BIRC6: variants seen among roughly 807,000 people sequenced by gnomAD.
The protein encoded by BIRC6 is baculoviral IAP repeat containing 6, also known as dual E2 ubiquitin-conjugating enzyme/E3 ubiquitin-protein ligase BIRC6.
BIRC6 carries 98 observed loss-of-function variants against 503.3 expected under a neutral mutation model. The observed-to-expected ratio is 0.19, with a 90% confidence interval of 0.17 to 0.23. The LOEUF is 0.23. BIRC6 is among the 10% of genes least tolerant of loss of function. The probability of loss-of-function intolerance (pLI) is 1.00; values close to 1 mark genes in which losing one functional copy is unlikely to be tolerated. For synonymous variants in BIRC6, 2,240 were observed against 2,078.7 expected (o/e 1.08, Z -2.11); for missense variants, 5,360 against 5,806.0 (o/e 0.92, Z 2.50).
intron 71 of BIRC6, among the ~76,000 whole-genome samples, chr2:32,605,055 G>GT (rs2062349037): frequency 6.6e-6 from 1 of 151,788 alleles, no homozygotes; most frequent in South Asian, 2.1e-4. Context: ...GCTAATTTTT[G>GT]TATTTTTAGT....
At chr2:32,590,274 A>G (rs1248439111) in intron 66 of BIRC6, among the ~76,000 whole-genome samples, 2 of 152,238 alleles carry the variant, frequency 1.3e-5, no homozygotes, top group Non-Finnish European at 2.9e-5. Flanking sequence ...TAGAAGTTTC[A>G]TTCTCTTATA....
In BIRC6 at chr2:32,469,679, G is replaced by A. The variant is rs1482964605; in HGVS notation, c.6347+65G>A. 2.9e-5 allele frequency: 40 copies of A among 1,382,760 alleles called. 1 individual carries two copies. The East Asian group carries it at 8.9e-4, about 31-fold the overall frequency. 85.7% of individuals were successfully genotyped at this position (1,382,760 alleles called of 1,614,324 possible). ...GTGTACTTTTCACAGTTACTGGTTA[G>A]CTTTTGAAATCTTTGAAATGTGGAT... On this transcript the variant is annotated intron_variant, in intron 30 of 73. Coordinates refer to ENST00000421745, the MANE Select transcript of BIRC6 (RefSeq NM_016252.4).
At chr2:32,530,601 C>T (rs1483756416) in intron 60 of BIRC6, among the ~76,000 whole-genome samples, 3 of 89,422 alleles carry the variant, frequency 3.4e-5, no homozygotes, top group South Asian at 4.8e-4. Context: ...CCCCAATCAT[C>T]GAAACATTGT....
At chr2:32,365,149 A>G (rs1319796267) in intron 1 of BIRC6, among the ~76,000 whole-genome samples, 5 of 152,206 alleles carry the variant, frequency 3.3e-5, no homozygotes, top group African/African-American at 9.7e-5. Flanking sequence ...TTAAGAAAGA[A>G]TAGAATATTG....
Position 32,467,895 on chromosome 2 carries a change from C to A in BIRC6, c.5572-8C>A. The stretch of plus-strand genomic sequence containing the variant: ...GTATATATGTATATTTATAATTTTT[C>A]ATTTCAGATCACTGTTATTGGACGT... On this transcript the variant is annotated splice_region_variant and splice_polypyrimidine_tract_variant and intron_variant, in intron 27 of 73. Transcript: ENST00000421745. 1 of 1,602,168 alleles carries A rather than the reference C, an allele frequency of 6.2e-7. No homozygotes were observed. The highest frequency in any genetic ancestry group is 8.5e-7 in the Non-Finnish European group (1 of 1,172,830).
At chr2:32,530,377 A>T (rs1297187740) in intron 60 of BIRC6, among the ~76,000 whole-genome samples, 1 of 151,816 alleles carries the variant, frequency 6.6e-6, no homozygotes, top group Non-Finnish European at 1.5e-5. Context: ...TGCCTGGCTA[A>T]TTTTTGTATT....
chr2:32,592,975 T>C (rs1275893644), intron 66 of BIRC6, among the ~76,000 whole-genome samples: 1 of 152,232 alleles, frequency 6.6e-6, no homozygotes, highest in Non-Finnish European at 1.5e-5. Flanking sequence ...GAGATAGTAT[T>C]TTAATGTAAT....
At chr2:32,466,209 A>G (rs573019696) in intron 26 of BIRC6, among the ~76,000 whole-genome samples, 24 of 152,314 alleles carry the variant, frequency 1.6e-4, no homozygotes, top group African/African-American at 5.3e-4. Context: ...TTCCTTCACT[A>G]TAAAATGTAG....
rs148811505 is a variant in BIRC6, at chr2:32,589,047, A to G, written c.13356-4868A>G. On this transcript the variant is annotated intron_variant, in intron 66 of 73. Coordinates refer to ENST00000421745, the MANE Select transcript of BIRC6 (RefSeq NM_016252.4). ...AGCAGGAACAAAGCCTTTTTTTTAT[A>G]TCTGATCTTTTGTGCAGACTTTTTC... Among the ~76,000 whole-genome samples the G allele has an allele frequency of 3.0e-3, 457 of 152,166 alleles. 3 individuals are homozygous for G. Among genetic ancestry groups the G allele is most frequent in the Non-Finnish European group, 4.1e-3 (282 of 67,952 alleles).
Position 32,549,300 on chromosome 2 carries a change from C to A in BIRC6, c.12976-13C>A. ...GTGAAACTGAAATCCAAATTAATTT[C>A]AACAATTTTTAGGTTCTTGCCAGTT... On this transcript the variant is annotated splice_polypyrimidine_tract_variant and intron_variant, in intron 64 of 73. Coordinates refer to ENST00000421745, the MANE Select transcript of BIRC6 (RefSeq NM_016252.4). 7.0e-7 allele frequency: 1 copy of A among 1,423,308 alleles called. No individual in the cohort carries two copies. Among genetic ancestry groups the A allele is most frequent in the Non-Finnish European group, 9.3e-7 (1 of 1,071,296 alleles). The allele number at this position is 1,423,308 out of a possible 1,614,324, so 88.2% of individuals were successfully genotyped here.
chr2:32,532,993 T>G (rs2056908711), intron 61 of BIRC6, among the ~76,000 whole-genome samples: 1 of 152,058 alleles, frequency 6.6e-6, no homozygotes, highest in African/African-American at 2.4e-5. Flanking sequence ...AAAAAAAATC[T>G]AGATTACCTT....
intron 36 of BIRC6, 71 bp downstream of exon 36, chr2:32,478,889 G>C: frequency 6.7e-7 from 1 of 1,486,900 alleles, no homozygotes. Context: ...AATCTTCAAA[G>C]GGATCTTTAA....
At position 32,382,209 on chromosome 2, in the gene BIRC6, C is replaced by T. The variant is rs540360239; in HGVS notation, c.645+1919C>T. Among the ~76,000 whole-genome samples, 51 of 152,272 alleles carry T rather than the reference C, an allele frequency of 3.3e-4. No homozygotes were observed. The South Asian group carries it at 3.9e-3, about 12-fold the overall frequency. ...GAGAATAGGCCCCGTGGATCTGGGACTAGGAAGTGCTACCCAGTTGGTAAC... is the reference window on the plus strand; with the variant it reads ...GAGAATAGGCCCCGTGGATCTGGGATTAGGAAGTGCTACCCAGTTGGTAAC... On this transcript the variant is annotated intron_variant, in intron 3 of 73. Coordinates refer to ENST00000421745, the MANE Select transcript of BIRC6 (RefSeq NM_016252.4).
rs763311375 is a variant in BIRC6, at chr2:32,416,132, T to C, written c.2841T>C (p.Ser947=). 1.2e-6 allele frequency: 2 copies of C among 1,610,972 alleles called. No individual in the cohort carries two copies. The highest frequency in any genetic ancestry group is 1.7e-6 in the Non-Finnish European group (2 of 1,178,206). ...QDTFVSVIYC[S]GTDRLCACTK... is the part of the protein sequence containing the mutation. ...CATTTGTTTCTGTGATTTACTGTTCTGGCACAGACAGGCTGTGTGCATGCA... is the reference window on the plus strand; with the variant it reads ...CATTTGTTTCTGTGATTTACTGTTCCGGCACAGACAGGCTGTGTGCATGCA... The change falls in exon 10 of 74, where the codon TCT becomes TCC. Residue 947 remains serine (S), a synonymous_variant. Coordinates refer to ENST00000421745, the MANE Select transcript of BIRC6 (RefSeq NM_016252.4).
At chr2:32,496,423 C>T (rs1334395204) in intron 45 of BIRC6, among the ~76,000 whole-genome samples, 2 of 152,058 alleles carry the variant, frequency 1.3e-5, no homozygotes, top group African/African-American at 4.8e-5. Flanking sequence ...GGGGTTTTGC[C>T]ATGTTGGCCA....
intron 61 of BIRC6, among the ~76,000 whole-genome samples, chr2:32,542,980 A>G (rs2057786313): frequency 6.6e-6 from 1 of 151,758 alleles, no homozygotes; most frequent in Non-Finnish European, 1.5e-5. Context: ...CTGTATTTTT[A>G]GTAGAGACGG....
chr2:32,525,992 C>G (rs2056233019), intron 59 of BIRC6, among the ~76,000 whole-genome samples: 1 of 152,116 alleles, frequency 6.6e-6, no homozygotes, highest in Non-Finnish European at 1.5e-5. Context: ...TCTTAGACCA[C>G]TGGTAGTTAA....
chr2:32,545,896 A>T, intron 63 of BIRC6, 36 bp downstream of exon 63: 1 of 1,560,686 alleles, frequency 6.4e-7, no homozygotes. Context: ...TTATTAAAAA[A>T]ACTAGATTTA....
chr2:32,491,651 T>C, intron 44 of BIRC6, 93 bp downstream of exon 44: 1 of 1,294,740 alleles, frequency 7.7e-7, no homozygotes, highest in Non-Finnish European at 1.1e-6. Context: ...GCTAAAGTAT[T>C]AAATAATAGC....
Sources: allele counts gnomAD v4.1 joint callset (sites outside exome capture counted in the v4.1 genomes callset), GRCh38; gene constraint gnomAD v4.1.1; transcripts MANE v1.5; gene names NCBI Gene and HGNC (gene_info 2026-07-23, HGNC 2026-07-21).